POU2F1: variants seen among roughly 807,000 people sequenced by gnomAD.
The protein encoded by POU2F1 is POU domain, class 2, transcription factor 1.
POU2F1 carries 16 observed loss-of-function variants against 84.9 expected under a neutral mutation model. The observed-to-expected ratio is 0.19, with a 90% CI of 0.13 to 0.29. POU2F1 has a LOEUF of 0.29. Ranked by LOEUF, POU2F1 falls within the 10% of genes least tolerant of loss-of-function variation. POU2F1 has a pLI of 1.00. For synonymous variants in POU2F1, 368 were observed against 368.3 expected, an observed-to-expected ratio of 1.00 and a Z score of 0.01; for missense variants, 738 against 942.6, an observed-to-expected ratio of 0.78 and a Z score of 2.84.
At chr1:167,301,607 G>C (rs1302196891) in intron 1 of POU2F1, among the ~76,000 whole-genome samples, 2 of 152,132 alleles carry the variant, frequency 1.3e-5, no homozygotes, top group African/African-American at 4.8e-5. Flanking sequence ...TTAAGTTGGG[G>C]GAACATTTCA....
At chr1:167,410,210 CA>C in intron 13 of POU2F1, among the ~76,000 whole-genome samples, 1 of 152,240 alleles carries the variant, frequency 6.6e-6, no homozygotes, top group South Asian at 2.1e-4. Context: ...TTTTATTTAA[CA>C]ATAAGAACAT....
chr1:167,262,347 T>A (rs535511229), intron 1 of POU2F1, among the ~76,000 whole-genome samples: 2 of 152,296 alleles, frequency 1.3e-5, no homozygotes, highest in South Asian at 2.1e-4. Flanking sequence ...TCTTTTAGTG[T>A]GGCTTAACTA....
intron 1 of POU2F1, among the ~76,000 whole-genome samples, chr1:167,222,036 C>G (rs1000458109): frequency 6.6e-6 from 1 of 152,132 alleles, no homozygotes; most frequent in Admixed American, 6.5e-5. Context: ...CCGTTCCCCC[C>G]ACCCCCTGCG....
chr1:167,224,233 A>G (rs1648453908), intron 1 of POU2F1, among the ~76,000 whole-genome samples: 2 of 152,180 alleles, frequency 1.3e-5, no homozygotes, highest in Non-Finnish European at 2.9e-5. Flanking sequence ...CATAGAAGTG[A>G]CCCATATAAA....
intron 3 of POU2F1, among the ~76,000 whole-genome samples, chr1:167,369,603 T>A (rs948853705): frequency 6.6e-6 from 1 of 152,168 alleles, no homozygotes; most frequent in African/African-American, 2.4e-5. Flanking sequence ...TGACAGACTT[T>A]TATGTGTGGT....
Position 167,416,070 on chromosome 1 carries a change from A to G in POU2F1, c.*260A>G. ...TCAGGATTGCTTCATGGATTGGAGA[A>G]CTTTCTAACCAAAAATTAAAAAAAA... On this transcript the variant is annotated 3_prime_UTR_variant, in exon 16 of 16. Transcript: ENST00000367866. 1 of 606,714 alleles carries G rather than the reference A, an allele frequency of 1.6e-6. No individual in the cohort carries two copies. The highest frequency in any genetic ancestry group is 1.8e-5 in the South Asian group (1 of 55,816). 37.6% of individuals were successfully genotyped at this position (606,714 alleles called of 1,614,324 possible). A position where few individuals can be genotyped will look rare whatever the true frequency, so the allele number is the denominator to read the frequency against.
intron 1 of POU2F1, among the ~76,000 whole-genome samples, chr1:167,294,402 A>G (rs755182396): frequency 2.6e-5 from 4 of 152,056 alleles, no homozygotes; most frequent in Non-Finnish European, 4.4e-5. Context: ...CAAATGCAAC[A>G]AAAACATAAA....
rs1008186270 is a variant in POU2F1 at position 167,399,114 on chromosome 1, C to A, written c.1270-72C>A. ...ATCCCAGCTTCATTTTCTAACCTGA[C>A]GTGATTATGCCAGTAGTTCAAAAAG... On this transcript the variant is annotated intron_variant, in intron 11 of 15. Transcript: ENST00000367866. 4.7e-5 allele frequency: 67 copies of A among 1,424,646 alleles called. 1 individual carries two copies. The highest frequency in any genetic ancestry group is 5.3e-5 in the Non-Finnish European group (56 of 1,056,504). The allele number at this position is 1,424,646 out of a possible 1,614,324, so 88.3% of individuals were successfully genotyped here.
At chr1:167,306,450 A>G (rs1655069329) in intron 1 of POU2F1, among the ~76,000 whole-genome samples, 1 of 152,182 alleles carries the variant, frequency 6.6e-6, no homozygotes, top group Non-Finnish European at 1.5e-5. Flanking sequence ...TTTATTAAAT[A>G]TTTATCAAGA....
intron 9 of POU2F1, among the ~76,000 whole-genome samples, chr1:167,395,274 G>T (rs1208758795): frequency 1.3e-5 from 2 of 152,136 alleles, no homozygotes; most frequent in South Asian, 2.1e-4. Flanking sequence ...TTGCTATAAG[G>T]TTACTAAGTT....
intron 1 of POU2F1, among the ~76,000 whole-genome samples, chr1:167,223,774 A>C (rs948548037): frequency 1.3e-5 from 2 of 152,198 alleles, no homozygotes; most frequent in Non-Finnish European, 2.9e-5. Flanking sequence ...CAGGTGAATG[A>C]CTGCTTCAGA....
chr1:167,379,845 A>G (rs1248763185), intron 7 of POU2F1: 2 of 152,174 alleles, frequency 1.3e-5, no homozygotes, highest in Non-Finnish European at 2.9e-5. Context: ...TCAAATCAAG[A>G]TAGTAGGAAT....
chr1:167,296,345 A>G (rs945101345), intron 1 of POU2F1, among the ~76,000 whole-genome samples: 6 of 152,136 alleles, frequency 3.9e-5, no homozygotes, highest in Admixed American at 6.5e-5. Context: ...TTTAATATCA[A>G]TATTGTAATT....
chr1:167,400,528 G>A (rs954491047), intron 12 of POU2F1, among the ~76,000 whole-genome samples: 1 of 152,174 alleles, frequency 6.6e-6, no homozygotes, highest in African/African-American at 2.4e-5. Flanking sequence ...ATAACCTTCA[G>A]TTCTGAACTT....
rs145991006 is a variant in POU2F1, at chr1:167,258,622, A to G, written c.61+37664A>G. The stretch of plus-strand genomic sequence containing the variant: ...GTAAGCTGTTAATCAGAGGTTGGCA[A>G]ATCTTTTCTTTGAAGGGTCAGATAG... On this transcript the variant is annotated intron_variant, in intron 1 of 15. Transcript: ENST00000367866. Among the ~76,000 whole-genome samples, 68 of 152,308 alleles carry G rather than the reference A, an allele frequency of 4.5e-4. No individual in the cohort carries two copies. The East Asian group carries it at 0.012, about 28-fold the overall frequency.
intron 12 of POU2F1, among the ~76,000 whole-genome samples, chr1:167,399,683 T>C (rs1449268213): frequency 6.6e-6 from 1 of 152,144 alleles, no homozygotes; most frequent in East Asian, 1.9e-4. Flanking sequence ...CTATTTATTT[T>C]ATTTTTTTGA....
In POU2F1 at chr1:167,365,520, G is replaced by A; in HGVS notation, c.181G>A (p.Ala61Thr). Residue 61 changes from alanine to threonine, a missense_variant, in exon 3 of 16, where the codon GCA (alanine) becomes ACA (threonine). By Grantham distance (58) the Ala-to-Thr change is moderately conservative. Transcript: ENST00000367866. ...GAAGCAGCCTGTGCCTGTAGGAGGAGCAATCTCAACAGCCCAGGCGCAGGC... is the reference window on the plus strand; with the variant it reads ...GAAGCAGCCTGTGCCTGTAGGAGGAACAATCTCAACAGCCCAGGCGCAGGC... ...FQKQPVPVGG[A>T]ISTAQAQAFL... 1.9e-5 allele frequency: 30 copies of A among 1,603,724 alleles called. No individual in the cohort carries two copies. The highest frequency in any genetic ancestry group is 2.5e-5 in the Non-Finnish European group (29 of 1,175,538).
In POU2F1 at chr1:167,408,718, G is replaced by A. The variant is rs545505359; in HGVS notation, c.1556-3241G>A. Reference sequence around the variant, plus strand: ...GACATGATTACAAACAGGCACAAGGGATCTTTTTTGGGAGTGGAAATGTCA... The same window carrying A: ...GACATGATTACAAACAGGCACAAGGAATCTTTTTTGGGAGTGGAAATGTCA... On this transcript the variant is annotated intron_variant, in intron 13 of 15. Transcript: ENST00000367866. Among the ~76,000 whole-genome samples, 3 of 152,254 alleles carry A rather than the reference G, an allele frequency of 2.0e-5. No individual in the cohort carries two copies. In the South Asian group the frequency reaches 6.2e-4, roughly 32 times the overall value.
At chr1:167,357,848 G>A (rs1358154310) in intron 2 of POU2F1, among the ~76,000 whole-genome samples, 3 of 137,764 alleles carry the variant, frequency 2.2e-5, no homozygotes, top group Non-Finnish European at 3.1e-5. Flanking sequence ...TCTGTCTTCA[G>A]GCTGGAGTGC....
Sources: allele counts gnomAD v4.1 joint callset (sites outside exome capture counted in the v4.1 genomes callset), GRCh38; gene constraint gnomAD v4.1.1; transcripts MANE v1.5; gene names NCBI Gene and HGNC (gene_info 2026-07-23, HGNC 2026-07-21).